Variants in RAF1 observed in about 807,000 individuals in gnomAD.
The protein encoded by RAF1 is Raf-1 proto-oncogene, serine/threonine kinase.
RAF1 carries 27 observed loss-of-function variants against 81.1 expected under a neutral mutation model. The observed-to-expected ratio is 0.33, with a 90% confidence interval of 0.25 to 0.46. RAF1 has a LOEUF of 0.46. Ranked by LOEUF, RAF1 falls within the 20% of genes least tolerant of loss-of-function variation. The pLI, the probability that RAF1 is intolerant of heterozygous loss-of-function variation, is 1.00. For missense variants in RAF1, 598 were observed against 826.0 expected, an observed-to-expected ratio of 0.72 and a Z score of 3.38; for synonymous variants, 298 against 294.0, an observed-to-expected ratio of 1.01 and a Z score of -0.14.
intron 1 of RAF1, among the ~76,000 whole-genome samples, chr3:12,644,317 T>C (rs1401044333): frequency 6.6e-6 from 1 of 152,164 alleles, no homozygotes; most frequent in Admixed American, 6.5e-5. Flanking sequence ...TCAGTGAAAA[T>C]GTTATTTTAT....
intron 1 of RAF1, among the ~76,000 whole-genome samples, chr3:12,633,434 T>C (rs1480405376): frequency 1.3e-5 from 2 of 149,490 alleles, no homozygotes; most frequent in Non-Finnish European, 3.0e-5. Context: ...GCTGTGATTG[T>C]GTTGTGCCAC....
intron 1 of RAF1, among the ~76,000 whole-genome samples, chr3:12,629,864 C>A (rs1418560195): frequency 2.0e-5 from 3 of 152,204 alleles, no homozygotes; most frequent in Non-Finnish European, 4.4e-5. Flanking sequence ...TGGCTCACTG[C>A]AGCCTTGAGC....
intron 1 of RAF1, among the ~76,000 whole-genome samples, chr3:12,641,174 G>A (rs536728984): frequency 7.2e-6 from 1 of 139,704 alleles, no homozygotes; most frequent in Non-Finnish European, 1.5e-5. Flanking sequence ...GAGAACACTT[G>A]GACACAGGGT....
chr3:12,618,265 T>C (rs1483214679), intron 2 of RAF1, among the ~76,000 whole-genome samples: 3 of 152,206 alleles, frequency 2.0e-5, no homozygotes, highest in East Asian at 3.9e-4. Context: ...GAATGTACTA[T>C]TTGTTTGGAT....
In RAF1 at chr3:12,607,949, C is replaced by CAAAAAA. The variant is rs58308841; in HGVS notation, c.581+811_581+816dup. 1.8e-3 allele frequency among the ~76,000 whole-genome samples: 120 copies of CAAAAAA among 66,818 alleles called. 2 individuals carry two copies. The highest frequency in any genetic ancestry group is 2.3e-3 in the Non-Finnish European group (89 of 38,026). 43.8% of individuals were successfully genotyped at this position (66,818 alleles called of 152,430 possible). Reference sequence around the variant, plus strand: ...CTAATGACAGAAAGAGACTTGTCTCCAAAAAAAAAAAAAAAAAAAAAAAAG... The same window carrying CAAAAAA: ...CTAATGACAGAAAGAGACTTGTCTCCAAAAAAAAAAAAAAAAAAAAAAAAAAAAAAG... On this transcript the variant is annotated intron_variant, in intron 5 of 17. Transcript: ENST00000442415.
intron 1 of RAF1, among the ~76,000 whole-genome samples, chr3:12,648,598 T>C (rs532554259): frequency 1.7e-4 from 26 of 152,248 alleles, no homozygotes; most frequent in Admixed American, 6.5e-4. Context: ...TAACCATCTA[T>C]ATTAGCCGGA....
At chr3:12,611,275 TA>T (rs1680498030) in intron 3 of RAF1, among the ~76,000 whole-genome samples, 1 of 152,006 alleles carries the variant, frequency 6.6e-6, no homozygotes, top group Non-Finnish European at 1.5e-5. Context: ...TGGAGTCCAG[TA>T]GCACAATCAT....
intron 1 of RAF1, among the ~76,000 whole-genome samples, chr3:12,635,412 G>A (rs766032433): frequency 1.8e-4 from 27 of 149,138 alleles, no homozygotes; most frequent in Middle Eastern, 3.6e-3. Context: ...CGAGGTGGGC[G>A]GATCATGTAA....
intron 1 of RAF1, among the ~76,000 whole-genome samples, chr3:12,652,495 T>C (rs890192272): frequency 6.6e-6 from 1 of 152,076 alleles, no homozygotes. Context: ...CACTCCAGCC[T>C]GGGCGACAAA....
intron 14 of RAF1, 133 bp from the exon 14 acceptor site, chr3:12,585,932 AGGTTTCT>A: frequency 1.4e-6 from 1 of 737,816 alleles, no homozygotes; most frequent in South Asian, 1.5e-5. Flanking sequence ...GAACTTCCTA[AGGTTTCT>A]GAAGTTCTTT....
intron 1 of RAF1, among the ~76,000 whole-genome samples, chr3:12,624,289 T>A (rs1023249117): frequency 3.3e-5 from 5 of 152,198 alleles, no homozygotes; most frequent in Admixed American, 6.5e-5. Context: ...TCTAACCTGT[T>A]AATCACAGAA....
intron 8 of RAF1, among the ~76,000 whole-genome samples, chr3:12,600,656 G>T (rs1161498666): frequency 6.6e-6 from 1 of 152,164 alleles, no homozygotes. Flanking sequence ...CCACCTCCCA[G>T]GTTCAAGCAA....
chr3:12,595,812 T>TA (rs1415688964), intron 11 of RAF1, among the ~76,000 whole-genome samples: 1 of 152,098 alleles, frequency 6.6e-6, no homozygotes, highest in Non-Finnish European at 1.5e-5. Flanking sequence ...CCTTAGCAAT[T>TA]ACAGCATACT....
intron 1 of RAF1, among the ~76,000 whole-genome samples, chr3:12,631,027 T>C (rs115779523): frequency 2.0e-5 from 3 of 152,100 alleles, no homozygotes; most frequent in Non-Finnish European, 4.4e-5. Flanking sequence ...GCTTAAATCT[T>C]AAAAGGATTG....
intron 15 of RAF1, 142 bp from the exon 15 acceptor site, chr3:12,585,395 C>A (rs1042437839): frequency 2.4e-5 from 37 of 1,535,386 alleles, no homozygotes; most frequent in Admixed American, 5.9e-5. Flanking sequence ...CCAAAGGACT[C>A]CAACTCAGGC....
Position 12,587,837 on chromosome 3 carries a change from C to CTTTTTTTTTTTTTTTTTTTTT in RAF1, c.1431-201_1431-200insAAAAAAAAAAAAAAAAAAAAA, listed in dbSNP as rs374515740. The CTTTTTTTTTTTTTTTTTTTTT allele has an allele frequency of 5.8e-5, 11 of 188,426 alleles. 3 individuals carry two copies. Among genetic ancestry groups the CTTTTTTTTTTTTTTTTTTTTT allele is most frequent in the African/African-American group, 2.9e-4 (9 of 31,078 alleles). The allele number at this position is 188,426 out of a possible 1,614,324, so 11.7% of individuals were successfully genotyped here. On this transcript the variant is annotated intron_variant, in intron 13 of 17. Coordinates refer to ENST00000442415, the MANE Select transcript of RAF1 (RefSeq NM_001354689.3). ...GGCCACAGCACAAACATGCTTACAC[C>CTTTTTTTTTTTTTTTTTTTTT]TTTTTTTTTTTTTTTTTGGAGACTG...
At chr3:12,597,920 A>G (rs6771385) in intron 11 of RAF1, among the ~76,000 whole-genome samples, 37,276 of 149,722 alleles carry the variant, frequency 0.25, 5,123 homozygotes, top group African/African-American at 0.36. Flanking sequence ...TTGTCTCTAA[A>G]TACATATAAA....
At chr3:12,663,556 G>A (rs1196290136) in intron 1 of RAF1, among the ~76,000 whole-genome samples, 3 of 152,226 alleles carry the variant, frequency 2.0e-5, no homozygotes, top group East Asian at 1.9e-4. Context: ...ATGGCATAAG[G>A]GTGGCGTTGG....
intron 1 of RAF1, among the ~76,000 whole-genome samples, chr3:12,662,415 TTAAC>T (rs1237529422): frequency 2.7e-5 from 4 of 148,388 alleles, no homozygotes; most frequent in Non-Finnish European, 4.5e-5. Flanking sequence ...TTAAAAGTCA[TTAAC>T]TAAGTTAAAC....
Sources: gnomAD v4.1 joint callset for allele counts (sites outside exome capture counted in the v4.1 genomes callset) on GRCh38, gnomAD v4.1.1 for gene constraint, MANE v1.5 for transcripts, NCBI Gene and HGNC (gene_info 2026-07-23, HGNC 2026-07-21) for gene names.